The following DNM2 variants were observed in gnomAD, a reference collection of about 807,000 sequenced individuals.
DNM2 encodes dynamin 2.
A neutral mutation model predicts 99.0 loss-of-function variants in DNM2; 15 were observed. That is an observed-to-expected ratio of 0.15 (90% confidence interval 0.10 to 0.23). The LOEUF (loss-of-function observed/expected upper bound fraction) is 0.23, where lower values mean the gene tolerates loss of function less well. Among genes scored for constraint, DNM2 ranks in the 10% least tolerant of loss-of-function variants. The pLI, the probability that DNM2 is intolerant of heterozygous loss-of-function variation, is 1.00. For synonymous variants in DNM2, 525 were observed against 481.2 expected (o/e 1.09, Z -1.19); for missense variants, 742 against 1,189.4 (o/e 0.62, Z 5.53).
intron 1 of DNM2, among the ~76,000 whole-genome samples, chr19:10,734,922 A>C (rs1401949992): frequency 6.6e-6 from 1 of 151,160 alleles, no homozygotes; most frequent in Non-Finnish European, 1.5e-5. Context: ...TAAGTCATGG[A>C]ATGTCCCTCA....
At chr19:10,829,328 G>A (rs1163975591) in intron 19 of DNM2, 60 bp downstream of exon 19, 3 of 1,584,050 alleles carry the variant, frequency 1.9e-6, no homozygotes, top group East Asian at 2.2e-5. Context: ...TGCCCTCCCT[G>A]TGTGTCCTGC....
At chr19:10,725,770 C>T (rs992913330) in intron 1 of DNM2, among the ~76,000 whole-genome samples, 14 of 152,118 alleles carry the variant, frequency 9.2e-5, no homozygotes, top group Admixed American at 2.6e-4. Flanking sequence ...GACAGGTGTA[C>T]GTTTCTTTTC....
At position 10,798,369 on chromosome 19, in the gene DNM2, G is replaced by T. The variant is rs1403583511; in HGVS notation, c.1336-117G>T. The T allele has an allele frequency of 1.6e-5, 12 of 744,330 alleles. 1 individual carries two copies. The highest frequency in any genetic ancestry group is 2.6e-5 in the Non-Finnish European group (11 of 419,294). 46.1% of individuals were successfully genotyped at this position (744,330 alleles called of 1,614,324 possible). A position where few individuals can be genotyped will look rare whatever the true frequency, so the allele number is the denominator to read the frequency against. On this transcript the variant is annotated intron_variant, in intron 10 of 20. Transcript: ENST00000389253. ...GGGCCAGGAGCAAGGTGTGGGCTCG[G>T]TGGGCCCCCTCATATCTCATTCCCC... is the stretch of plus-strand genomic sequence containing the variant.
Position 10,802,305 on chromosome 19 carries a change from C to G in DNM2, c.1440C>G (p.Asp480Glu). The change falls in exon 12 of 21, where the codon GAC becomes GAG. Residue 480 changes from aspartate (D) to glutamate (E), a missense_variant. By Grantham distance (45) the Asp-to-Glu change is conservative (BLOSUM62 2). Around this residue, in one of 7 missense-constraint regions of DNM2, gnomAD observed 240 missense variants for 431.3 expected, o/e 0.56. Coordinates refer to ENST00000389253, the MANE Select transcript of DNM2 (RefSeq NM_001005361.3). Reference protein sequence around the residue: ...RTKDQILLLIDIEQSYINTNH... With the variant: ...RTKDQILLLIEIEQSYINTNH... ...TCCCCCAGATTCTTCTGCTGATCGA[C>G]ATTGAGCAGTCCTACATCAACACGA... 8.7e-6 allele frequency: 14 copies of G among 1,614,172 alleles called. No individual in the cohort carries two copies. Among genetic ancestry groups the G allele is most frequent in the Non-Finnish European group, 1.2e-5 (14 of 1,180,034 alleles).
chr19:10,786,806 A>G, intron 7 of DNM2, 100 bp downstream of exon 7: 2 of 1,570,724 alleles, frequency 1.3e-6, no homozygotes, highest in Non-Finnish European at 1.7e-6. Flanking sequence ...TCGTCCACTC[A>G]TTGATTCAGC....
intron 1 of DNM2, among the ~76,000 whole-genome samples, chr19:10,729,943 GC>G (rs1405437006): frequency 2.6e-5 from 4 of 151,644 alleles, no homozygotes; most frequent in Non-Finnish European, 5.9e-5. Context: ...GCTCGCTGCA[GC>G]CTTGACATCC....
At position 10,743,798 on chromosome 19, in the gene DNM2, A is replaced by G. The variant is rs548536019; in HGVS notation, c.162-15940A>G. Among the ~76,000 whole-genome samples, 5 of 108,690 alleles carry G rather than the reference A, an allele frequency of 4.6e-5. No individual in the cohort carries two copies. The East Asian group carries it at 1.4e-3, about 31-fold the overall frequency. The allele number at this position is 108,690 out of a possible 152,430, so 71.3% of individuals were successfully genotyped here. A position where few individuals can be genotyped will look rare whatever the true frequency, so the allele number is the denominator to read the frequency against. On this transcript the variant is annotated intron_variant, in intron 1 of 20. Transcript: ENST00000389253. ...GCACTCCAGCCTGGGTGACAAAGCG[A>G]GACTCTGTCTCAAAAAAAAAAAAAA...
At chr19:10,724,832 C>T (rs1377271124) in intron 1 of DNM2, among the ~76,000 whole-genome samples, 6 of 152,324 alleles carry the variant, frequency 3.9e-5, no homozygotes, top group Non-Finnish European at 7.3e-5. Flanking sequence ...GTAGGCGCCC[C>T]GTGCCATTTT....
chr19:10,758,636 T>G (rs2070508275), intron 1 of DNM2, among the ~76,000 whole-genome samples: 1 of 139,374 alleles, frequency 7.2e-6, no homozygotes, highest in Non-Finnish European at 1.5e-5. Context: ...AACCTCCGCC[T>G]CCTGGGTTCA....
At chr19:10,735,119 C>T (rs552290922) in intron 1 of DNM2, among the ~76,000 whole-genome samples, 1 of 152,254 alleles carries the variant, frequency 6.6e-6, no homozygotes, top group Non-Finnish European at 1.5e-5. Flanking sequence ...TCTCAGCTCA[C>T]TGCAAGCTCT....
At chr19:10,822,311 T>A (rs1452614944) in intron 16 of DNM2, among the ~76,000 whole-genome samples, 1 of 151,092 alleles carries the variant, frequency 6.6e-6, no homozygotes, top group Non-Finnish European at 1.5e-5. Context: ...CGCCTCGGCC[T>A]CCCGAGTAGC....
intron 10 of DNM2, among the ~76,000 whole-genome samples, chr19:10,798,223 C>T (rs1443078496): frequency 6.6e-6 from 1 of 152,240 alleles, no homozygotes; most frequent in African/African-American, 2.4e-5. Context: ...TTTCTGCTTT[C>T]ATGTTGCCTC....
intron 6 of DNM2, among the ~76,000 whole-genome samples, chr19:10,784,247 G>A (rs1236293805): frequency 2.6e-5 from 4 of 152,086 alleles, no homozygotes; most frequent in Admixed American, 6.6e-5. Flanking sequence ...TAATTCTAAT[G>A]GGGGAGACTG....
At position 10,728,879 on chromosome 19, in the gene DNM2, C is replaced by T. The variant is rs1368267785; in HGVS notation, c.161+10476C>T. 3.3e-5 allele frequency among the ~76,000 whole-genome samples: 5 copies of T among 151,196 alleles called. No homozygotes were observed. The South Asian group carries it at 8.3e-4, about 25-fold the overall frequency. On this transcript the variant is annotated intron_variant, in intron 1 of 20. Coordinates refer to ENST00000389253, the MANE Select transcript of DNM2 (RefSeq NM_001005361.3). ...GGAGGATCTCCTGAGCCCAGGAATTCGAGGTTGCATTGAGCTATGATTGCA... is the reference window on the plus strand; with the variant it reads ...GGAGGATCTCCTGAGCCCAGGAATTTGAGGTTGCATTGAGCTATGATTGCA...
Position 10,817,460 on chromosome 19 carries a change from G to C in DNM2, c.1672-2520G>C, listed in dbSNP as rs771248549. 9.9e-6 allele frequency: 5 copies of C among 502,828 alleles called. No homozygotes were observed. Among genetic ancestry groups the C allele is most frequent in the Non-Finnish European group, 2.0e-5 (5 of 244,436 alleles). The allele number at this position is 502,828 out of a possible 1,614,324, so 31.1% of individuals were successfully genotyped here. ...ATGTGCAGACTACTGTACACATTGA[G>C]AGCCTCCTGAACAGGTAGTCTGAAC... On this transcript the variant is annotated intron_variant, in intron 15 of 20. Transcript: ENST00000389253. The surrounding 1 kb of genome is among the most constrained non-coding windows in gnomAD (Gnocchi z 4.6).
intron 1 of DNM2, among the ~76,000 whole-genome samples, chr19:10,740,130 G>A (rs1417028672): frequency 6.6e-6 from 1 of 151,790 alleles, no homozygotes; most frequent in Non-Finnish European, 1.5e-5. Flanking sequence ...CTTTATTTCT[G>A]ATTTTTGTAA....
rs919370114 is a variant in DNM2 at position 10,729,164 on chromosome 19, C to CAAAAA, written c.161+10783_161+10787dup. ...TGGGCGACAGAGCGAGACTCCGTCT[C>CAAAAA]AAAAAAAAAAAAAAAAAAAAAAAAA... On this transcript the variant is annotated intron_variant, in intron 1 of 20. Coordinates refer to ENST00000389253, the MANE Select transcript of DNM2 (RefSeq NM_001005361.3). Among the ~76,000 whole-genome samples the CAAAAA allele has an allele frequency of 5.0e-4, 22 of 44,396 alleles. 1 individual carries two copies. Among genetic ancestry groups the CAAAAA allele is most frequent in the African/African-American group, 1.1e-3 (13 of 12,306 alleles). The allele number at this position is 44,396 out of a possible 152,430, so 29.1% of individuals were successfully genotyped here.
intron 15 of DNM2, among the ~76,000 whole-genome samples, chr19:10,819,230 A>G (rs1394541225): frequency 6.6e-6 from 1 of 152,114 alleles, no homozygotes; most frequent in Non-Finnish European, 1.5e-5. Context: ...TGGGCAACAT[A>G]GCGAGACCCC....
chr19:10,799,541 T>G (rs913003351), intron 11 of DNM2, among the ~76,000 whole-genome samples: 50 of 150,590 alleles, frequency 3.3e-4, no homozygotes, highest in Admixed American at 1.2e-3. Context: ...TTTGTTTTTT[T>G]TTTTTTTTTT....
Sources: allele counts gnomAD v4.1 joint callset (sites outside exome capture counted in the v4.1 genomes callset), GRCh38; gene constraint gnomAD v4.1.1; regional missense constraint gnomAD v4.1.1; non-coding constraint Gnocchi (gnomAD v3.1); transcripts MANE v1.5; gene names NCBI Gene and HGNC (gene_info 2026-07-23, HGNC 2026-07-21).